Variants in VMA22 observed in about 807,000 individuals in gnomAD.
The protein encoded by VMA22 is vacuolar ATPase assembly protein VMA22.
At chr2:130,342,087 C>A in the VMA22 span, 2 of 1,613,856 alleles carry the variant, frequency 1.2e-6, no homozygotes, top group Admixed American at 3.3e-5. Context: ...GCTGCAGGAC[C>A]AGCGAATCCA....
chr2:130,338,008 T>C, the VMA22 span, among the ~76,000 whole-genome samples: 2 of 152,358 alleles, frequency 1.3e-5, no homozygotes, highest in South Asian at 4.1e-4. Context: ...ACATTAGGTT[T>C]ACACTGGGAG....
the VMA22 span, chr2:130,339,768 C>T: frequency 7.7e-7 from 1 of 1,303,648 alleles, no homozygotes. Context: ...GACACCTGCC[C>T]CCAGGTGTTG....
the VMA22 span, chr2:130,341,466 T>G: frequency 1.7e-6 from 1 of 586,464 alleles, no homozygotes; most frequent in Non-Finnish European, 3.1e-6. Context: ...ATTGTAAATC[T>G]ATTCCCAGTG....
chr2:130,342,174 A>G, the VMA22 span: 1 of 1,602,034 alleles, frequency 6.2e-7, no homozygotes, highest in East Asian at 2.3e-5. Context: ...CACCCTCCGC[A>G]GTTTGGCAGG....
chr2:130,338,955 A>G, the VMA22 span: 1 of 606,700 alleles, frequency 1.6e-6, no homozygotes, highest in Non-Finnish European at 2.9e-6. Context: ...TGCCTCTTCA[A>G]ACTTCACACC....
At chr2:130,339,314 G>T in the VMA22 span, 1 of 1,419,070 alleles carries the variant, frequency 7.0e-7, no homozygotes. Context: ...CCAGAAATTG[G>T]AAAGGCTTCA....
chr2:130,340,778 C>T, the VMA22 span: 6 of 1,133,084 alleles, frequency 5.3e-6, no homozygotes, highest in Admixed American at 4.0e-5. Flanking sequence ...GGGTGTACAA[C>T]GGAAGTTTGG....
At chr2:130,339,022 G>A in the VMA22 span, 1 of 845,374 alleles carries the variant, frequency 1.2e-6, no homozygotes, top group Non-Finnish European at 1.9e-6. Flanking sequence ...GCTGGCGTGG[G>A]GTAGGGGCAA....
At chr2:130,340,808 G>T in the VMA22 span, 1 of 1,441,478 alleles carries the variant, frequency 6.9e-7, no homozygotes, top group Non-Finnish European at 9.7e-7. Context: ...AACCTGCAAA[G>T]CCTTTCACAG....
chr2:130,342,536 G>A, the VMA22 span: 1 of 461,256 alleles, frequency 2.2e-6, no homozygotes, highest in Non-Finnish European at 3.9e-6. Context: ...GCAACCTTCA[G>A]TCGGTGTGCG....
the VMA22 span, among the ~76,000 whole-genome samples, chr2:130,337,966 T>C: frequency 6.6e-6 from 1 of 152,192 alleles, no homozygotes. Context: ...TTGACAGTAA[T>C]GTCCACGAAA....
At chr2:130,338,883 G>A in the VMA22 span, 1 of 517,830 alleles carries the variant, frequency 1.9e-6, no homozygotes, top group Non-Finnish European at 3.5e-6. Flanking sequence ...CTATGTGAGT[G>A]TGTCCTATGG....
the VMA22 span, chr2:130,340,546 G>A: frequency 6.7e-6 from 2 of 297,094 alleles, no homozygotes; most frequent in African/African-American, 4.5e-5. Context: ...TCCTCAGAGA[G>A]ACCTCCCCTG....
At chr2:130,339,192 G>A in the VMA22 span, 3 of 1,614,192 alleles carry the variant, frequency 1.9e-6, no homozygotes, top group Non-Finnish European at 2.5e-6. Flanking sequence ...CCCAGTCAAT[G>A]CGGTTCTGGA....
chr2:130,339,008 A>G, the VMA22 span: 1 of 734,492 alleles, frequency 1.4e-6, no homozygotes, highest in African/African-American at 1.7e-5. Flanking sequence ...CAGAAGGGGC[A>G]TTAGCTGGCG....
At chr2:130,339,013 C>T in the VMA22 span, 4 of 769,180 alleles carry the variant, frequency 5.2e-6, no homozygotes. Context: ...GGGGCATTAG[C>T]TGGCGTGGGG....
chr2:130,339,608 C>T, the VMA22 span: 1 of 1,305,850 alleles, frequency 7.7e-7, no homozygotes, highest in Non-Finnish European at 1.0e-6. Flanking sequence ...TCTGGATCCA[C>T]CTCTAGATGG....
chr2:130,341,459 G>A, the VMA22 span: 1 of 582,322 alleles, frequency 1.7e-6, no homozygotes. Context: ...GTATGTGATT[G>A]TAAATCTATT....
At chr2:130,341,954 G>A in the VMA22 span, 5 of 1,613,248 alleles carry the variant, frequency 3.1e-6, no homozygotes, top group South Asian at 3.3e-5. Context: ...CCTGCAGGGA[G>A]AGGAAAGCGG....
Sources: gnomAD v4.1 joint callset for allele counts (sites outside exome capture counted in the v4.1 genomes callset) on GRCh38, gnomAD v4.1.1 for gene constraint, MANE v1.5 for transcripts, NCBI Gene and HGNC (gene_info 2026-07-23, HGNC 2026-07-21) for gene names.